MTBP: variants seen among roughly 807,000 people sequenced by gnomAD.
MTBP encodes the protein MDM2 binding protein.
Under a neutral mutation model 117.0 loss-of-function variants are expected in MTBP, and 101 were observed. The observed-to-expected ratio is 0.86, with a 90% CI of 0.73 to 1.02. The LOEUF is 1.02. Among genes scored for constraint, MTBP ranks in the 50% least tolerant of loss-of-function variants. MTBP has a pLI of 0.00. For synonymous variants in MTBP, 350 were observed against 351.5 expected (o/e 1.00, Z 0.05); for missense variants, 970 against 1,030.9 (o/e 0.94, Z 0.81).
chr8:120,482,469 C>T (rs561433745), intron 11 of MTBP, among the ~76,000 whole-genome samples: 6 of 152,172 alleles, frequency 3.9e-5, no homozygotes, highest in Non-Finnish European at 8.8e-5. Flanking sequence ...CATTGCTGTT[C>T]ATAATGAGTA....
chr8:120,446,302 C>G lies in MTBP; in HGVS notation c.119-131C>G, dbSNP rs112862575. 6.4e-6 allele frequency: 4 copies of G among 628,494 alleles called. No homozygotes were observed. The Admixed American group carries it at 7.7e-5, about 12-fold the overall frequency. 38.9% of individuals were successfully genotyped at this position (628,494 alleles called of 1,614,324 possible). On this transcript the variant is annotated intron_variant, in intron 1 of 21. Coordinates refer to ENST00000305949, the MANE Select transcript of MTBP (RefSeq NM_022045.5). ...TAGATTTTCTGTATCAAAACTTGAA[C>G]AGATCTTGAGCAGCGTTTAGTACTT...
Position 120,515,993 on chromosome 8 carries a change from T to C in MTBP, c.2048T>C (p.Ile683Thr), listed in dbSNP as rs1326709940. The C allele has an allele frequency of 8.1e-6, 13 of 1,612,994 alleles. No homozygotes were observed. Among genetic ancestry groups the C allele is most frequent in the Non-Finnish European group, 1.0e-5 (12 of 1,179,262 alleles). Residue 683 changes from isoleucine (I) to threonine (T), a missense_variant, in exon 18 of 22, where the codon ATT (isoleucine) becomes ACT (threonine). Physicochemically the swap from Ile to Thr is moderately conservative, Grantham distance 89. Transcript: ENST00000305949. ...GGFSELQSRL[I>T]RYETQTTCTR... ...TTTTCTGAACTTCAGTCTCGTCTTA[T>C]TCGTTATGAAACTCAAACTACCTGC...
At chr8:120,456,700 A>G in intron 7 of MTBP, 30 bp downstream of exon 7, 1 of 1,134,050 alleles carries the variant, frequency 8.8e-7, no homozygotes, top group Non-Finnish European at 1.3e-6. Flanking sequence ...TTTGCCAAGT[A>G]GGCCTTTCAA....
chr8:120,467,419 A>G (rs1813722183), intron 10 of MTBP, among the ~76,000 whole-genome samples: 1 of 152,192 alleles, frequency 6.6e-6, no homozygotes. Flanking sequence ...GTCCAAGACC[A>G]GCCTGAGCAA....
chr8:120,492,788 CATTA>C (rs1814373989), intron 13 of MTBP, among the ~76,000 whole-genome samples: 1 of 152,048 alleles, frequency 6.6e-6, no homozygotes, highest in Admixed American at 6.6e-5. Context: ...AGTTTATTTT[CATTA>C]ATTTTATTTT....
At chr8:120,490,272 T>C (rs1256369794) in intron 12 of MTBP, among the ~76,000 whole-genome samples, 191 bp from the exon 13 acceptor site, 2 of 152,190 alleles carry the variant, frequency 1.3e-5, no homozygotes, top group African/African-American at 2.4e-5. Flanking sequence ...TGCAAAATAA[T>C]TGAGTATGCT....
At position 120,480,395 on chromosome 8, in the gene MTBP, G is replaced by A. The variant is rs529949559; in HGVS notation, c.1166-7764G>A. Among the ~76,000 whole-genome samples, 31 of 152,186 alleles carry A rather than the reference G, an allele frequency of 2.0e-4. 2 individuals carry two copies. The highest frequency in any genetic ancestry group is 7.5e-4 in the African/African-American group (31 of 41,530). Reference sequence around the variant, plus strand: ...ACTGCACTCCAGCCTGGGCGACAGAGCGAGACTCCGTCTCAAAAAAAAAAG... The same window carrying A: ...ACTGCACTCCAGCCTGGGCGACAGAACGAGACTCCGTCTCAAAAAAAAAAG... On this transcript the variant is annotated intron_variant, in intron 11 of 21. Coordinates refer to ENST00000305949, the MANE Select transcript of MTBP (RefSeq NM_022045.5).
chr8:120,511,298 A>G (rs537476992), intron 17 of MTBP, among the ~76,000 whole-genome samples: 71 of 152,162 alleles, frequency 4.7e-4, no homozygotes, highest in African/African-American at 1.5e-3. Context: ...ACAAAATTTT[A>G]CTTCTCTTTT....
intron 2 of MTBP, among the ~76,000 whole-genome samples, chr8:120,448,094 G>T (rs1813265482): frequency 6.6e-6 from 1 of 151,930 alleles, no homozygotes; most frequent in Non-Finnish European, 1.5e-5. Context: ...ACCACACCTG[G>T]CTAATTTTTT....
intron 13 of MTBP, among the ~76,000 whole-genome samples, chr8:120,494,084 G>T (rs1181287166): frequency 2.0e-5 from 3 of 152,148 alleles, no homozygotes; most frequent in Non-Finnish European, 4.4e-5. Flanking sequence ...GTCCACATTG[G>T]TGATGCAGGA....
At chr8:120,480,439 G>C (rs73315186) in intron 11 of MTBP, among the ~76,000 whole-genome samples, 2,164 of 151,932 alleles carry the variant, frequency 0.014, 58 homozygotes, top group African/African-American at 0.049. Flanking sequence ...TTGACAAACT[G>C]ATCCTAAATT....
intron 16 of MTBP, among the ~76,000 whole-genome samples, chr8:120,508,358 G>A (rs1814732060): frequency 1.3e-5 from 2 of 152,066 alleles, no homozygotes; most frequent in African/African-American, 4.8e-5. Flanking sequence ...AAATAGGTAA[G>A]GTTGCTGAGG....
intron 20 of MTBP, among the ~76,000 whole-genome samples, chr8:120,519,639 A>G (rs189212330): frequency 6.6e-6 from 1 of 152,290 alleles, no homozygotes; most frequent in African/African-American, 2.4e-5. Context: ...ATATTGAACA[A>G]TAACAAAAAA....
At chr8:120,452,109 T>C (rs1207577830) in intron 4 of MTBP, 1 of 152,234 alleles carries the variant, frequency 6.6e-6, no homozygotes, top group Non-Finnish European at 1.5e-5. Context: ...TGGTACAATA[T>C]GTAAGTTGAT....
intron 10 of MTBP, among the ~76,000 whole-genome samples, chr8:120,466,179 C>T (rs1454441908): frequency 6.9e-6 from 1 of 144,048 alleles, no homozygotes; most frequent in Non-Finnish European, 1.5e-5. Flanking sequence ...ATTTATTTTT[C>T]TTAAACATTG....
intron 11 of MTBP, among the ~76,000 whole-genome samples, chr8:120,482,972 T>C (rs1814123067): frequency 6.6e-6 from 1 of 151,952 alleles, no homozygotes; most frequent in Non-Finnish European, 1.5e-5. Context: ...GTGCTGGGAT[T>C]ACAGGAATGA....
At chr8:120,476,715 A>C (rs1037915644) in intron 11 of MTBP, among the ~76,000 whole-genome samples, 10 of 152,304 alleles carry the variant, frequency 6.6e-5, no homozygotes, top group East Asian at 3.9e-4. Flanking sequence ...GGACCTTTTC[A>C]AGGAGAACTA....
intron 11 of MTBP, among the ~76,000 whole-genome samples, chr8:120,483,625 A>AT (rs35140692): frequency 6.6e-6 from 1 of 151,906 alleles, no homozygotes; most frequent in Admixed American, 6.6e-5. Flanking sequence ...TTATATAAGA[A>AT]TTTTTTTTGC....
intron 16 of MTBP, among the ~76,000 whole-genome samples, chr8:120,509,544 G>T (rs1814756916): frequency 6.6e-6 from 1 of 152,088 alleles, no homozygotes; most frequent in Non-Finnish European, 1.5e-5. Context: ...AGAAGTTGCA[G>T]TGAGCTGAGA....
Sources: gnomAD v4.1 joint callset for allele counts (sites outside exome capture counted in the v4.1 genomes callset) on GRCh38, gnomAD v4.1.1 for gene constraint, MANE v1.5 for transcripts, NCBI Gene and HGNC (gene_info 2026-07-23, HGNC 2026-07-21) for gene names.